Variants in STAU2 observed in about 807,000 individuals in gnomAD.
STAU2 encodes the protein staufen double-stranded RNA binding protein 2.
In STAU2, 20 loss-of-function variants were observed where a neutral mutation model predicts 65.9. That is an observed-to-expected ratio of 0.30 (90% CI 0.21 to 0.44). STAU2 has a LOEUF of 0.44. Among genes scored for constraint, STAU2 ranks in the 20% least tolerant of loss-of-function variants. STAU2 has a pLI of 1.00. For missense variants in STAU2, 558 were observed against 683.9 expected (o/e 0.82, Z 2.05); for synonymous variants, 232 against 233.9 (o/e 0.99, Z 0.07).
intron 3 of STAU2, among the ~76,000 whole-genome samples, chr8:73,718,873 T>A (rs906536914): frequency 6.6e-6 from 1 of 152,262 alleles, no homozygotes; most frequent in African/African-American, 2.4e-5. Context: ...GGTTTTTGCA[T>A]ACTGCTCTTC....
At chr8:73,559,622 C>A (rs2128948235) in intron 12 of STAU2, among the ~76,000 whole-genome samples, 1 of 152,334 alleles carries the variant, frequency 6.6e-6, no homozygotes, top group Middle Eastern at 3.4e-3. Context: ...AGGGAGCCTA[C>A]TGGACCACCA....
intron 6 of STAU2, among the ~76,000 whole-genome samples, chr8:73,660,659 T>C (rs758517777): frequency 2.8e-4 from 42 of 152,208 alleles, no homozygotes; most frequent in Non-Finnish European, 5.0e-4. Context: ...AGAAGAGGTA[T>C]GTGTATAAAA....
intron 3 of STAU2, among the ~76,000 whole-genome samples, chr8:73,721,082 C>G (rs1284000024): frequency 2.1e-5 from 3 of 145,226 alleles, no homozygotes; most frequent in Non-Finnish European, 4.5e-5. Context: ...GAGTTCTAGA[C>G]CAACCTGGGC....
chr8:73,741,259 C>T (rs944240977), intron 1 of STAU2, among the ~76,000 whole-genome samples: 26 of 147,538 alleles, frequency 1.8e-4, no homozygotes, highest in Non-Finnish European at 3.4e-4. Context: ...GAGCCAAGAT[C>T]GCGCCACTGC....
At chr8:73,523,128 G>C (rs561894045) in intron 13 of STAU2, among the ~76,000 whole-genome samples, 7 of 148,946 alleles carry the variant, frequency 4.7e-5, no homozygotes, top group Non-Finnish European at 8.9e-5. Context: ...CCCGGGAAGT[G>C]GAGGTTGCAG....
In STAU2 at chr8:73,669,353, T is replaced by C. The variant is rs923834271; in HGVS notation, c.410+3754A>G. On this transcript the variant is annotated intron_variant, in intron 6 of 14. Transcript: ENST00000524300. ...AATGGCCTAAGGCACATCCTTTATT[T>C]ATGACTTTGGAGAAATCATAAATAA... Among the ~76,000 whole-genome samples the C allele has an allele frequency of 2.0e-5, 3 of 152,308 alleles. No individual in the cohort carries two copies. The East Asian group carries it at 5.8e-4, about 29-fold the overall frequency.
In STAU2 at chr8:73,687,347, TA is replaced by T. The variant is rs548680427; in HGVS notation, c.274+1306del. Among the ~76,000 whole-genome samples, 311 of 32,744 alleles carry T rather than the reference TA, an allele frequency of 9.5e-3. 3 individuals are homozygous for T. Among genetic ancestry groups the T allele is most frequent in the Middle Eastern group, 0.031 (2 of 64 alleles). 21.5% of individuals were successfully genotyped at this position (32,744 alleles called of 152,430 possible). A position where few individuals can be genotyped will look rare whatever the true frequency, so the allele number is the denominator to read the frequency against. On this transcript the variant is annotated intron_variant, in intron 5 of 14. Coordinates refer to ENST00000524300, the MANE Select transcript of STAU2 (RefSeq NM_001164380.2). ...TATTTATAAATATAATTTATATTTA[TA>T]ATTTATATAATATAAATATAATTTA...
chr8:73,740,290 A>G (rs1004552598), intron 1 of STAU2, among the ~76,000 whole-genome samples: 1 of 152,228 alleles, frequency 6.6e-6, no homozygotes, highest in Non-Finnish European at 1.5e-5. Context: ...TTCTGGTGCA[A>G]TGTGCTATGC....
chr8:73,689,546 C>T (rs1819180655), intron 4 of STAU2, among the ~76,000 whole-genome samples: 1 of 152,150 alleles, frequency 6.6e-6, no homozygotes, highest in African/African-American at 2.4e-5. Flanking sequence ...ACCTGTGCAT[C>T]CTCATCTCAC....
intron 13 of STAU2, among the ~76,000 whole-genome samples, chr8:73,452,128 AG>A (rs1461433074): frequency 5.3e-5 from 8 of 152,138 alleles, no homozygotes; most frequent in African/African-American, 1.9e-4. Flanking sequence ...TGATGCATCC[AG>A]GGGCTCGCTT....
rs555288674 is a variant in STAU2 at position 73,739,824 on chromosome 8, T to C, written c.-152A>G. 6.7e-7 allele frequency: 1 copy of C among 1,493,476 alleles called. No individual in the cohort carries two copies. The highest frequency in any genetic ancestry group is 9.0e-7 in the Non-Finnish European group (1 of 1,110,232). The allele number at this position is 1,493,476 out of a possible 1,614,324, so 92.5% of individuals were successfully genotyped here. On this transcript the variant is annotated 5_prime_UTR_variant, in exon 2 of 15. Transcript: ENST00000524300. Reference sequence around the variant, plus strand: ...TTCTTTTTCTGTCTTCTTTTTTTTCTTCAATCTTTAAAAAGTAAGCTAAAG... The same window carrying C: ...TTCTTTTTCTGTCTTCTTTTTTTTCCTCAATCTTTAAAAAGTAAGCTAAAG...
chr8:73,563,449 T>G (rs962442731), intron 12 of STAU2, among the ~76,000 whole-genome samples: 2 of 152,026 alleles, frequency 1.3e-5, no homozygotes, highest in Admixed American at 1.3e-4. Flanking sequence ...AATCCAGGGC[T>G]GGGGGTAGGG....
At chr8:73,674,612 C>T (rs1398078957) in intron 5 of STAU2, among the ~76,000 whole-genome samples, 1 of 150,578 alleles carries the variant, frequency 6.6e-6, no homozygotes, top group African/African-American at 2.4e-5. Flanking sequence ...TTTTTTAAAC[C>T]CTGCAAATAA....
At chr8:73,598,060 A>T (rs527681957) in intron 10 of STAU2, among the ~76,000 whole-genome samples, 7 of 152,322 alleles carry the variant, frequency 4.6e-5, no homozygotes, top group Non-Finnish European at 8.8e-5. Context: ...TAGATGCAAA[A>T]GTTTTAAACA....
intron 13 of STAU2, among the ~76,000 whole-genome samples, chr8:73,500,049 T>C (rs1186784167): frequency 3.3e-5 from 5 of 151,816 alleles, no homozygotes; most frequent in Admixed American, 3.3e-4. Flanking sequence ...TCTTATTAAA[T>C]AACATATATG....
intron 13 of STAU2, among the ~76,000 whole-genome samples, chr8:73,424,201 C>CT (rs59063960): frequency 0.46 from 53,385 of 115,042 alleles, 13,663 homozygotes; most frequent in Admixed American, 0.55. Context: ...TCCTCTATGT[C>CT]TTTTTTTTTT....
intron 3 of STAU2, among the ~76,000 whole-genome samples, chr8:73,714,082 T>C (rs1263197644): frequency 6.6e-6 from 1 of 152,048 alleles, no homozygotes; most frequent in Non-Finnish European, 1.5e-5. Flanking sequence ...TTTGTTTTTT[T>C]AGTAGAGACG....
chr8:73,619,158 G>A (rs1237161286), intron 6 of STAU2, among the ~76,000 whole-genome samples: 1 of 152,088 alleles, frequency 6.6e-6, no homozygotes, highest in African/African-American at 2.4e-5. Context: ...GAACTCTGTG[G>A]GAGGGTGTGA....
At chr8:73,446,041 C>T (rs1347562748) in intron 13 of STAU2, among the ~76,000 whole-genome samples, 1 of 152,146 alleles carries the variant, frequency 6.6e-6, no homozygotes, top group Non-Finnish European at 1.5e-5. Flanking sequence ...CTAGAAACAA[C>T]CAAAATATCC....
Sources: gnomAD v4.1 joint callset for allele counts (sites outside exome capture counted in the v4.1 genomes callset) on GRCh38, gnomAD v4.1.1 for gene constraint, MANE v1.5 for transcripts, NCBI Gene and HGNC (gene_info 2026-07-23, HGNC 2026-07-21) for gene names.